The following PTPRT variants were observed in gnomAD, a reference collection of about 807,000 sequenced individuals.
The protein encoded by PTPRT is receptor-type tyrosine-protein phosphatase T.
Under a neutral mutation model 176.8 loss-of-function variants are expected in PTPRT, and 56 were observed. The observed-to-expected ratio is 0.32, with a 90% CI of 0.26 to 0.40. PTPRT has a LOEUF of 0.40. Ranked by LOEUF, PTPRT falls within the 10% of genes least tolerant of loss-of-function variation. The pLI is 1.00. For synonymous variants in PTPRT, 783 were observed against 739.0 expected, an observed-to-expected ratio of 1.06 and a Z score of -0.96; for missense variants, 1,540 against 1,908.2, an observed-to-expected ratio of 0.81 and a Z score of 3.60.
chr20:42,412,825 C>T (rs1042090199), intron 9 of PTPRT, among the ~76,000 whole-genome samples: 8 of 152,128 alleles, frequency 5.3e-5, no homozygotes, highest in Non-Finnish European at 1.2e-4. Context: ...TCATTTACAT[C>T]ACATTCTAGA....
At chr20:43,002,889 C>T (rs1984653034) in intron 1 of PTPRT, among the ~76,000 whole-genome samples, 1 of 146,852 alleles carries the variant, frequency 6.8e-6, no homozygotes, top group Non-Finnish European at 1.5e-5. Context: ...ATTAAAAAAA[C>T]AGAAAAACAT....
chr20:42,971,037 G>A, intron 1 of PTPRT: 1 of 152,200 alleles, frequency 6.6e-6, no homozygotes, highest in East Asian at 1.9e-4. Context: ...GAGAAGTGCT[G>A]TGCACAATTT....
At chr20:42,947,665 C>T (rs1206834659) in intron 1 of PTPRT, among the ~76,000 whole-genome samples, 3 of 152,114 alleles carry the variant, frequency 2.0e-5, no homozygotes, top group African/African-American at 7.2e-5. Context: ...TCACTCAAGC[C>T]CTTGCTCCTT....
intron 8 of PTPRT, among the ~76,000 whole-genome samples, chr20:42,468,765 T>G (rs2071143021): frequency 6.6e-6 from 1 of 152,212 alleles, no homozygotes; most frequent in Non-Finnish European, 1.5e-5. Flanking sequence ...TGCCCTGAGC[T>G]GCTCCTTGGG....
intron 11 of PTPRT, among the ~76,000 whole-genome samples, chr20:42,349,844 C>T (rs915217899): frequency 1.3e-5 from 2 of 152,344 alleles, no homozygotes; most frequent in African/African-American, 2.4e-5. Context: ...GATGCCCACG[C>T]TCCTGATATC....
intron 9 of PTPRT, among the ~76,000 whole-genome samples, chr20:42,417,408 T>C (rs2059075994): frequency 6.6e-6 from 1 of 152,042 alleles, no homozygotes; most frequent in Non-Finnish European, 1.5e-5. Context: ...CCCTATTTCC[T>C]GAACATGCCT....
intron 12 of PTPRT, among the ~76,000 whole-genome samples, chr20:42,302,292 TTAG>T (rs2145315228): frequency 6.6e-6 from 1 of 152,340 alleles, no homozygotes; most frequent in Admixed American, 6.5e-5. Context: ...GCCAAGTATT[TTAG>T]CATGGCATAC....
intron 16 of PTPRT, among the ~76,000 whole-genome samples, chr20:42,186,655 G>T (rs987150449): frequency 6.6e-6 from 1 of 152,084 alleles, no homozygotes; most frequent in African/African-American, 2.4e-5. Context: ...AGAAGCAAAA[G>T]AATTGTTTTA....
At chr20:42,703,413 A>G (rs1347533173) in intron 6 of PTPRT, among the ~76,000 whole-genome samples, 1 of 152,216 alleles carries the variant, frequency 6.6e-6, no homozygotes. Context: ...AGAGACAGAA[A>G]AGGAAATAAG....
At chr20:42,911,558 A>G (rs1978378960) in intron 1 of PTPRT, among the ~76,000 whole-genome samples, 1 of 152,164 alleles carries the variant, frequency 6.6e-6, no homozygotes, top group South Asian at 2.1e-4. Flanking sequence ...AAATGTATAC[A>G]TTATCTAGGG....
intron 7 of PTPRT, among the ~76,000 whole-genome samples, chr20:42,613,511 T>C (rs550886655): frequency 6.6e-6 from 1 of 152,240 alleles, no homozygotes; most frequent in Non-Finnish European, 1.5e-5. Context: ...TCTCTGGTTA[T>C]CATATGTAAA....
intron 6 of PTPRT, among the ~76,000 whole-genome samples, chr20:42,714,567 G>A (rs1345352200): frequency 6.6e-6 from 1 of 152,202 alleles, no homozygotes; most frequent in East Asian, 1.9e-4. Context: ...GGCCACAACT[G>A]ACTAACTGGC....
chr20:43,009,742 C>T (rs1985028618), intron 1 of PTPRT, among the ~76,000 whole-genome samples: 1 of 152,162 alleles, frequency 6.6e-6, no homozygotes, highest in Non-Finnish European at 1.5e-5. Context: ...TTGACTTCTT[C>T]CATTGACTGG....
chr20:42,377,196 A>C (rs1255489943), intron 9 of PTPRT, among the ~76,000 whole-genome samples: 1 of 152,184 alleles, frequency 6.6e-6, no homozygotes, highest in Non-Finnish European at 1.5e-5. Context: ...AATAGAAGTC[A>C]GGCACTGGGT....
chr20:43,178,615 G>A (rs757804644), intron 1 of PTPRT, among the ~76,000 whole-genome samples: 2 of 152,294 alleles, frequency 1.3e-5, no homozygotes, highest in Non-Finnish European at 2.9e-5. Flanking sequence ...AAATGGCTTT[G>A]AGCTCAAAGC....
At chr20:42,523,385 A>G (rs1311865456) in intron 7 of PTPRT, among the ~76,000 whole-genome samples, 1 of 152,146 alleles carries the variant, frequency 6.6e-6, no homozygotes, top group Non-Finnish European at 1.5e-5. Context: ...TAAAGTCCAG[A>G]AATTTTATTT....
intron 12 of PTPRT, among the ~76,000 whole-genome samples, chr20:42,315,034 T>C (rs1168318113): frequency 6.6e-6 from 1 of 152,158 alleles, no homozygotes; most frequent in African/African-American, 2.4e-5. Flanking sequence ...GATTTTCTAA[T>C]ATTATGACTG....
At chr20:42,822,551 G>A (rs2077914186) in intron 2 of PTPRT, among the ~76,000 whole-genome samples, 1 of 152,162 alleles carries the variant, frequency 6.6e-6, no homozygotes, top group African/African-American at 2.4e-5. Context: ...ATTGACCAAT[G>A]AGATCTAACT....
chr20:42,960,348 G>T (rs1175703657), intron 1 of PTPRT, among the ~76,000 whole-genome samples: 1 of 152,096 alleles, frequency 6.6e-6, no homozygotes, highest in African/African-American at 2.4e-5. Flanking sequence ...GCACCTTCTT[G>T]CTGTGTCCTC....
Sources: gnomAD v4.1 joint callset for allele counts (sites outside exome capture counted in the v4.1 genomes callset) on GRCh38, gnomAD v4.1.1 for gene constraint, MANE v1.5 for transcripts, NCBI Gene and HGNC (gene_info 2026-07-23, HGNC 2026-07-21) for gene names.